Variants in DST observed in about 807,000 individuals in gnomAD.
DST encodes dystonin.
A neutral mutation model predicts 875.2 loss-of-function variants in DST; 253 were observed. The observed-to-expected ratio is 0.29, with a 90% CI of 0.26 to 0.32. The LOEUF is 0.32. Among genes scored for constraint, DST ranks in the 10% least tolerant of loss-of-function variants. DST has a pLI of 1.00. For missense variants in DST, 8,287 were observed against 9,111.6 expected (o/e 0.91, Z 3.68); for synonymous variants, 3,124 against 3,197.1 (o/e 0.98, Z 0.77).
At chr6:56,492,006 C>A (rs1337079680) in intron 85 of DST, among the ~76,000 whole-genome samples, 1 of 152,198 alleles carries the variant, frequency 6.6e-6, no homozygotes, top group Non-Finnish European at 1.5e-5. Flanking sequence ...AATCAGTCTT[C>A]TTAAGATTAG....
chr6:56,534,957 T>C (rs989620344), intron 63 of DST, among the ~76,000 whole-genome samples, 165 bp downstream of exon 63: 1 of 152,204 alleles, frequency 6.6e-6, no homozygotes, highest in Admixed American at 6.5e-5. Flanking sequence ...TGGCCCATGG[T>C]AGATGTTCAA....
rs75576518 is a variant in DST at position 56,468,139 on chromosome 6, T to C, written c.22569+843A>G. Among the ~76,000 whole-genome samples, 61 of 150,266 alleles carry C rather than the reference T, an allele frequency of 4.1e-4. No homozygotes were observed. In the East Asian group the frequency reaches 0.011, roughly 28 times the overall value. On this transcript the variant is annotated intron_variant, in intron 98 of 103. Coordinates refer to ENST00000680361, the MANE Select transcript of DST (RefSeq NM_001374736.1). ...ATGTAATATGGTCAGATACTATAGA[T>C]AGCATGGTTCTTTCCAAAGTAAAAT...
intron 4 of DST, among the ~76,000 whole-genome samples, chr6:56,803,611 C>T (rs762782331): frequency 1.3e-5 from 2 of 152,178 alleles, no homozygotes; most frequent in Non-Finnish European, 2.9e-5. Context: ...TGAGGAGATG[C>T]TTTTCCAACT....
chr6:56,945,609 T>C (rs1001934549), intron 2 of DST: 4 of 152,122 alleles, frequency 2.6e-5, no homozygotes, highest in Non-Finnish European at 5.9e-5. Context: ...CTAAATTTGA[T>C]AGGCAGATTT....
At chr6:56,687,650 A>G (rs753604931) in intron 9 of DST, among the ~76,000 whole-genome samples, 1 of 152,168 alleles carries the variant, frequency 6.6e-6, no homozygotes, top group Non-Finnish European at 1.5e-5. Context: ...AGCAAATTCC[A>G]TATTGAATTT....
At chr6:56,783,155 G>A (rs1190001090) in intron 4 of DST, among the ~76,000 whole-genome samples, 3 of 151,948 alleles carry the variant, frequency 2.0e-5, no homozygotes, top group Non-Finnish European at 4.4e-5. Flanking sequence ...TATGTGGTCA[G>A]TTTTGGAATA....
chr6:56,704,154 A>T, intron 6 of DST, 126 bp downstream of exon 6: 1 of 483,298 alleles, frequency 2.1e-6, no homozygotes, highest in African/African-American at 2.0e-5. Context: ...CTTCTTTTTC[A>T]GGCAGAATTC....
chr6:56,557,528 A>G lies in DST; in HGVS notation c.14441-10T>C, dbSNP rs1422037197. The G allele has an allele frequency of 6.3e-7, 1 of 1,596,912 alleles. No individual in the cohort carries two copies. The highest frequency in any genetic ancestry group is 1.1e-5 in the South Asian group (1 of 89,124). Reference sequence around the variant, plus strand: ...TCTTGCCACTTAGAATCTAAAAGAAAAAAAATGAAACTGGTGTTTGACATT... The same window carrying G: ...TCTTGCCACTTAGAATCTAAAAGAAGAAAAATGAAACTGGTGTTTGACATT... On this transcript the variant is annotated splice_polypyrimidine_tract_variant and intron_variant, in intron 58 of 103. Transcript: ENST00000680361.
chr6:56,818,449 A>C (rs1440168184), intron 4 of DST, among the ~76,000 whole-genome samples: 6 of 152,192 alleles, frequency 3.9e-5, no homozygotes, highest in Admixed American at 3.9e-4. Flanking sequence ...TGATGGCATG[A>C]GAAGTCATAT....
At position 56,641,678 on chromosome 6, in the gene DST, C is replaced by G. The variant is rs145674315; in HGVS notation, c.2027+269G>C. 0.025 allele frequency among the ~76,000 whole-genome samples: 3,768 copies of G among 152,278 alleles called. 72 individuals are homozygous for G. The highest frequency in any genetic ancestry group is 0.041 in the Non-Finnish European group (2,802 of 68,018). On this transcript the variant is annotated intron_variant, in intron 17 of 103. Transcript: ENST00000680361. Reference sequence around the variant, plus strand: ...AATGTATGTAAATGTATGCATGTAACTTACATCTATATCTAGGGTATTCAT... The same window carrying G: ...AATGTATGTAAATGTATGCATGTAAGTTACATCTATATCTAGGGTATTCAT...
At chr6:56,613,249 AAG>A (rs983328186) in intron 37 of DST, among the ~76,000 whole-genome samples, 1 of 152,206 alleles carries the variant, frequency 6.6e-6, no homozygotes, top group African/African-American at 2.4e-5. Context: ...CACCAAATGC[AAG>A]TGCTTTCCCA....
chr6:56,656,658 C>T (rs1369309912), intron 10 of DST, among the ~76,000 whole-genome samples: 6 of 152,138 alleles, frequency 3.9e-5, no homozygotes, highest in South Asian at 2.1e-4. Context: ...GGGTTTCAAC[C>T]CAGGTCTGTC....
intron 4 of DST, among the ~76,000 whole-genome samples, chr6:56,762,381 C>T (rs1475947033): frequency 6.6e-6 from 1 of 152,190 alleles, no homozygotes; most frequent in Admixed American, 6.5e-5. Flanking sequence ...GAATGGCCTA[C>T]TTGCCTTCGC....
At chr6:56,681,818 T>G (rs2099158811) in intron 9 of DST, among the ~76,000 whole-genome samples, 1 of 152,132 alleles carries the variant, frequency 6.6e-6, no homozygotes, top group African/African-American at 2.4e-5. Flanking sequence ...AGACCAGGAT[T>G]CTCTTGGTCA....
chr6:56,592,481 TAAA>T, intron 48 of DST, 123 bp from the exon 49 acceptor site: 1 of 829,086 alleles, frequency 1.2e-6, no homozygotes. Context: ...CCAAAGTTAA[TAAA>T]AACTCTGTTG....
At chr6:56,858,795 A>G (rs1769384679) in intron 3 of DST, among the ~76,000 whole-genome samples, 2 of 152,212 alleles carry the variant, frequency 1.3e-5, no homozygotes, top group African/African-American at 4.8e-5. Flanking sequence ...CAGATGCCTA[A>G]TTTATTGGGT....
chr6:56,530,085 T>C lies in DST; in HGVS notation c.17157A>G (p.Glu5719=), dbSNP rs764438079. Residue 5719 remains glutamate, a synonymous_variant, in exon 65 of 104, where the codon GAA becomes GAG. Transcript: ENST00000680361. ...GISVVAQQFH[E]TLEPLNEWLT... ...GCCACTCGTTCAGTGGTTCTAAGGTTTCATGAAATTGCTGTGCTACCACCG... is the reference window on the plus strand; with the variant it reads ...GCCACTCGTTCAGTGGTTCTAAGGTCTCATGAAATTGCTGTGCTACCACCG... 5 of 1,611,122 alleles carry C rather than the reference T, an allele frequency of 3.1e-6. No individual in the cohort carries two copies. In the South Asian group the frequency reaches 5.5e-5, roughly 18 times the overall value.
At position 56,607,921 on chromosome 6, in the gene DST, C is replaced by A; in HGVS notation, c.6707G>T (p.Gly2236Val). The A allele has an allele frequency of 6.2e-7, 1 of 1,613,642 alleles. No individual in the cohort carries two copies. The highest frequency in any genetic ancestry group is 8.5e-7 in the Non-Finnish European group (1 of 1,179,726). ...GTTTCCATCAAATTCTGCATGACAG[C>A]CTTCCAGTAGCATGCCAACAGCCTC... ...LDEAVGMLLE[G>V]CHAEFDGNTA... Residue 2236 changes from glycine (G) to valine (V), a missense_variant, in exon 40 of 104, where the codon GGC (glycine) becomes GTC (valine). Physicochemically the swap from Gly to Val is moderately radical, Grantham distance 109. Coordinates refer to ENST00000680361, the MANE Select transcript of DST (RefSeq NM_001374736.1).
chr6:56,628,524 G>A (rs1206021241), intron 32 of DST, among the ~76,000 whole-genome samples: 3 of 152,152 alleles, frequency 2.0e-5, no homozygotes, highest in Non-Finnish European at 1.5e-5. Context: ...TTGAAATAAC[G>A]ATAAGGTAGT....
Sources: allele counts gnomAD v4.1 joint callset (sites outside exome capture counted in the v4.1 genomes callset), GRCh38; gene constraint gnomAD v4.1.1; transcripts MANE v1.5; gene names NCBI Gene and HGNC (gene_info 2026-07-23, HGNC 2026-07-21).